The following PLA2G4A variants were observed in gnomAD, a reference collection of about 807,000 sequenced individuals.
The protein encoded by PLA2G4A is cytosolic phospholipase A2.
In PLA2G4A, 40 loss-of-function variants were observed where a neutral mutation model predicts 81.9. That is an observed-to-expected ratio of 0.49 (90% CI 0.38 to 0.64). The LOEUF is 0.64. PLA2G4A is among the 30% of genes least tolerant of loss of function. The probability of loss-of-function intolerance (pLI) is 0.00; values close to 1 mark genes in which losing one functional copy is unlikely to be tolerated. For missense variants in PLA2G4A, 715 were observed against 905.1 expected, an observed-to-expected ratio of 0.79 and a Z score of 2.69; for synonymous variants, 302 against 296.9, an observed-to-expected ratio of 1.02 and a Z score of -0.18.
At chr1:186,856,949 G>A (rs1469949712) in intron 2 of PLA2G4A, among the ~76,000 whole-genome samples, 1 of 148,348 alleles carries the variant, frequency 6.7e-6, no homozygotes, top group African/African-American at 2.5e-5. Context: ...AGTATGGTTG[G>A]AACACAAAAC....
chr1:186,930,436 T>C (rs1655700207), intron 7 of PLA2G4A, among the ~76,000 whole-genome samples: 1 of 152,178 alleles, frequency 6.6e-6, no homozygotes, highest in Non-Finnish European at 1.5e-5. Flanking sequence ...TCAGTATGTG[T>C]CGGGCTGTTG....
chr1:186,927,604 AT>A (rs1655594179), intron 7 of PLA2G4A, among the ~76,000 whole-genome samples: 1 of 152,232 alleles, frequency 6.6e-6, no homozygotes. Flanking sequence ...AAAAGAGATA[AT>A]GCTTTTTCTT....
intron 16 of PLA2G4A, among the ~76,000 whole-genome samples, chr1:186,978,693 G>T (rs1271700228): frequency 6.6e-6 from 1 of 152,164 alleles, no homozygotes; most frequent in East Asian, 1.9e-4. Context: ...GATTTCCATG[G>T]CATAAAGACA....
At chr1:186,949,407 G>A (rs79258945) in intron 12 of PLA2G4A, among the ~76,000 whole-genome samples, 20 of 18,150 alleles carry the variant, frequency 1.1e-3, no homozygotes, top group South Asian at 5.8e-3. Context: ...AAAGAAAGAA[G>A]AAAGAAAGAA....
intron 1 of PLA2G4A, among the ~76,000 whole-genome samples, chr1:186,829,682 A>G (rs1027833656): frequency 3.3e-5 from 5 of 152,194 alleles, no homozygotes; most frequent in Non-Finnish European, 7.4e-5. Flanking sequence ...ATCAAATTAC[A>G]TAGTTAAATT....
intron 8 of PLA2G4A, among the ~76,000 whole-genome samples, chr1:186,937,087 C>T (rs1265366289): frequency 1.3e-5 from 2 of 151,070 alleles, no homozygotes; most frequent in East Asian, 1.9e-4. Flanking sequence ...TGCAGGGACA[C>T]CATGAAAAGA....
In PLA2G4A at chr1:186,870,018, C is replaced by T. The variant is rs560351743; in HGVS notation, c.34-417C>T. Among the ~76,000 whole-genome samples, 3 of 152,284 alleles carry T rather than the reference C, an allele frequency of 2.0e-5. No individual in the cohort carries two copies. The South Asian group carries it at 6.2e-4, about 32-fold the overall frequency. Reference sequence around the variant, plus strand: ...TGAAAGCTGTACTGGAAATGTCATGCAGAAAAGACTTTTGATTGACTGCTT... The same window carrying T: ...TGAAAGCTGTACTGGAAATGTCATGTAGAAAAGACTTTTGATTGACTGCTT... On this transcript the variant is annotated intron_variant, in intron 2 of 17. Transcript: ENST00000367466.
intron 3 of PLA2G4A, among the ~76,000 whole-genome samples, chr1:186,871,158 AGAAACTGGTATAGGACAGCCT>A (rs1653253115): frequency 6.6e-6 from 1 of 152,168 alleles, no homozygotes; most frequent in African/African-American, 2.4e-5. Flanking sequence ...GAATAGCCAT[AGAAACTGGTATAGGACAGCCT>A]GAAATGATGC....
chr1:186,842,288 C>T (rs771296814), intron 1 of PLA2G4A, among the ~76,000 whole-genome samples: 4 of 152,090 alleles, frequency 2.6e-5, no homozygotes, highest in African/African-American at 7.2e-5. Context: ...GACAATTCAC[C>T]TGCTTTGGCC....
chr1:186,897,956 C>T (rs1412758950), intron 5 of PLA2G4A, among the ~76,000 whole-genome samples: 1 of 151,942 alleles, frequency 6.6e-6, no homozygotes, highest in Non-Finnish European at 1.5e-5. Flanking sequence ...AACTCTTGCT[C>T]CTCTCCTTCT....
rs12720593 is a variant in PLA2G4A at position 186,938,450 on chromosome 1, G to C, written c.696-558G>C. ...TAGGATTTTGCCTTCAGATTCATAT[G>C]TTCAGAAATTTAGAGACCTACAGTT... On this transcript the variant is annotated intron_variant, in intron 8 of 17. Transcript: ENST00000367466. Among the ~76,000 whole-genome samples the C allele has an allele frequency of 2.0e-4, 31 of 152,202 alleles. No homozygotes were observed. The South Asian group carries it at 6.4e-3, about 32-fold the overall frequency.
chr1:186,949,174 A>G (rs1656443847), intron 12 of PLA2G4A, among the ~76,000 whole-genome samples: 1 of 152,022 alleles, frequency 6.6e-6, no homozygotes, highest in Admixed American at 6.6e-5. Context: ...TTAGCTATTC[A>G]TATCGTGAAT....
intron 3 of PLA2G4A, among the ~76,000 whole-genome samples, chr1:186,884,905 A>AAAG (rs952855108): frequency 6.6e-6 from 1 of 151,942 alleles, no homozygotes; most frequent in Non-Finnish European, 1.5e-5. Flanking sequence ...AAAAAAAAAA[A>AAAG]AAAGAAGGAA....
intron 1 of PLA2G4A, among the ~76,000 whole-genome samples, chr1:186,838,226 C>T (rs531971651): frequency 6.6e-6 from 1 of 152,204 alleles, no homozygotes; most frequent in African/African-American, 2.4e-5. Context: ...TGTTTTTCTG[C>T]AACATGTTTA....
intron 17 of PLA2G4A, among the ~76,000 whole-genome samples, chr1:186,987,140 A>G (rs1657916238): frequency 6.6e-6 from 1 of 152,266 alleles, no homozygotes; most frequent in Non-Finnish European, 1.5e-5. Flanking sequence ...AAGTCACAGA[A>G]AAATAATTGC....
intron 14 of PLA2G4A, among the ~76,000 whole-genome samples, chr1:186,962,595 C>A (rs1011389688): frequency 6.6e-6 from 1 of 151,928 alleles, no homozygotes; most frequent in South Asian, 2.1e-4. Flanking sequence ...GATCTCGGCT[C>A]TCTGCAAGCT....
intron 3 of PLA2G4A, among the ~76,000 whole-genome samples, chr1:186,879,770 A>G (rs1195994052): frequency 4.6e-5 from 7 of 151,180 alleles, no homozygotes; most frequent in Admixed American, 4.6e-4. Flanking sequence ...TTTCAGTGAT[A>G]CTTTGAGATA....
chr1:186,900,805 T>C (rs894166812), intron 5 of PLA2G4A, among the ~76,000 whole-genome samples: 1 of 152,230 alleles, frequency 6.6e-6, no homozygotes, highest in Non-Finnish European at 1.5e-5. Flanking sequence ...GAAAGTTGTC[T>C]CTAAGTTGAC....
chr1:186,860,335 A>G (rs1427160532), intron 2 of PLA2G4A, among the ~76,000 whole-genome samples: 1 of 152,120 alleles, frequency 6.6e-6, no homozygotes, highest in Non-Finnish European at 1.5e-5. Context: ...GTTGGGGTGT[A>G]TTTTGGTCTT....
Sources: allele counts gnomAD v4.1 joint callset (sites outside exome capture counted in the v4.1 genomes callset), GRCh38; gene constraint gnomAD v4.1.1; transcripts MANE v1.5; gene names NCBI Gene and HGNC (gene_info 2026-07-23, HGNC 2026-07-21).